Variants in AFDN observed in about 807,000 individuals in gnomAD.
AFDN encodes the protein afadin, adherens junction formation factor.
Under a neutral mutation model 216.6 loss-of-function variants are expected in AFDN, and 68 were observed. The ratio of observed to expected loss-of-function variants is 0.31; its 90% CI spans 0.26 to 0.38. AFDN has a LOEUF of 0.38. AFDN is among the 10% of genes least tolerant of loss of function. The probability of loss-of-function intolerance (pLI) is 1.00; values close to 1 mark genes in which losing one functional copy is unlikely to be tolerated. For synonymous variants in AFDN, 868 were observed against 853.7 expected (o/e 1.02, Z -0.29); for missense variants, 2,136 against 2,342.0 (o/e 0.91, Z 1.82).
At chr6:167,940,003 C>G (rs1411271568) in intron 23 of AFDN, among the ~76,000 whole-genome samples, 1 of 152,184 alleles carries the variant, frequency 6.6e-6, no homozygotes, top group Non-Finnish European at 1.5e-5. Context: ...TCAGTCTTTG[C>G]CAACTATCCC....
intron 19 of AFDN, among the ~76,000 whole-genome samples, chr6:167,915,969 C>G (rs1583396526): frequency 1.3e-5 from 2 of 152,260 alleles, no homozygotes; most frequent in Non-Finnish European, 2.9e-5. Context: ...ACTTCTGGTC[C>G]CAAGCATTTC....
chr6:167,908,061 C>A (rs145717782), intron 13 of AFDN, among the ~76,000 whole-genome samples: 84 of 152,372 alleles, frequency 5.5e-4, no homozygotes, highest in African/African-American at 2.0e-3. Flanking sequence ...GACTGCATGA[C>A]TTCTATGGCA....
rs2267956 is a variant in AFDN at position 167,842,960 on chromosome 6, A to G, written c.105+15723A>G. Among the ~76,000 whole-genome samples, 358 of 152,302 alleles carry G rather than the reference A, an allele frequency of 2.4e-3. 3 individuals carry two copies. The highest frequency in any genetic ancestry group is 0.02 in the East Asian group (103 of 5,184). On this transcript the variant is annotated intron_variant, in intron 1 of 33. Coordinates refer to ENST00000683244, the MANE Select transcript of AFDN (RefSeq NM_001386888.1). Reference sequence around the variant, plus strand: ...AGGTCTACAAAAAAAAACTAAAACTATGTTTGATTTTGGTGGCCAGTCTTG... The same window carrying G: ...AGGTCTACAAAAAAAAACTAAAACTGTGTTTGATTTTGGTGGCCAGTCTTG...
chr6:167,876,607 C>T (rs968955959), intron 5 of AFDN, among the ~76,000 whole-genome samples: 1 of 152,156 alleles, frequency 6.6e-6, no homozygotes, highest in African/African-American at 2.4e-5. Flanking sequence ...AAATGAATTT[C>T]TGAATGTATT....
At chr6:167,910,876 G>A (rs561177441) in intron 13 of AFDN, among the ~76,000 whole-genome samples, 30 of 152,186 alleles carry the variant, frequency 2.0e-4, no homozygotes, top group Admixed American at 1.8e-3. Flanking sequence ...TCATGGCGGC[G>A]GCATATACTT....
chr6:167,870,494 C>G lies in AFDN; in HGVS notation c.410C>G (p.Pro137Arg). 1 of 1,598,378 alleles carries G rather than the reference C, an allele frequency of 6.3e-7. No homozygotes were observed. The highest frequency in any genetic ancestry group is 8.6e-7 in the Non-Finnish European group (1 of 1,168,132). ...VLKNENDAIP[P>R]KKAQSNGPEK... is the part of the protein sequence containing the mutation. ...AAGAATGAGAATGACGCCATTCCTC[C>G]TAAGGTAGGAACCCTCAGTATTTTA... Residue 137 changes from proline (P) to arginine (R), a missense_variant, in exon 3 of 34, where the codon CCT becomes CGT. Coordinates refer to ENST00000683244, the MANE Select transcript of AFDN (RefSeq NM_001386888.1).
At chr6:167,864,422 A>C in intron 1 of AFDN, 129 bp from the exon 2 acceptor site, 1 of 888,056 alleles carries the variant, frequency 1.1e-6, no homozygotes, top group Non-Finnish European at 1.9e-6. Context: ...ATCTCTCTAC[A>C]TTAGTCTCAG....
At position 167,915,479 on chromosome 6, in the gene AFDN, G is replaced by C. The variant is rs527836673; in HGVS notation, c.2565+46G>C. ...CCAGCTCATGTGCTTTATGATAAAG[G>C]CATCTGATCTTTATGATGAGCAAGA... On this transcript the variant is annotated intron_variant, in intron 19 of 33. Coordinates refer to ENST00000683244, the MANE Select transcript of AFDN (RefSeq NM_001386888.1). 2.9e-5 allele frequency: 45 copies of C among 1,549,820 alleles called. No individual in the cohort carries two copies. In the South Asian group the frequency reaches 5.0e-4, roughly 17 times the overall value.
chr6:167,849,932 T>C (rs1782114596), intron 1 of AFDN, among the ~76,000 whole-genome samples: 1 of 152,228 alleles, frequency 6.6e-6, no homozygotes, highest in Admixed American at 6.5e-5. Context: ...CAGCTTGACC[T>C]CCTTTCAGAA....
chr6:167,946,248 A>G (rs1795241735), intron 26 of AFDN, among the ~76,000 whole-genome samples: 2 of 152,372 alleles, frequency 1.3e-5, no homozygotes, highest in Middle Eastern at 3.4e-3. Context: ...TGAATAGTAG[A>G]TGATAAACCA....
rs1360348390 is a variant in AFDN at position 167,827,375 on chromosome 6, C to A, written c.105+138C>A. ...CCCTCCGCCCCTTCTCTCCCCTCCCCCTCCCCCAGGCCCACCGCGGGCCCC... is the reference window on the plus strand; with the variant it reads ...CCCTCCGCCCCTTCTCTCCCCTCCCACTCCCCCAGGCCCACCGCGGGCCCC... On this transcript the variant is annotated intron_variant, in intron 1 of 33. Coordinates refer to ENST00000683244, the MANE Select transcript of AFDN (RefSeq NM_001386888.1). The A allele has an allele frequency of 2.0e-5, 3 of 151,702 alleles. No individual in the cohort carries two copies. The East Asian group carries it at 6.2e-4, about 31-fold the overall frequency. 9.4% of individuals were successfully genotyped at this position (151,702 alleles called of 1,614,324 possible).
chr6:167,848,086 C>T (rs1210052295), intron 1 of AFDN, among the ~76,000 whole-genome samples: 2 of 152,126 alleles, frequency 1.3e-5, no homozygotes, highest in African/African-American at 2.4e-5. Flanking sequence ...TGTTGATTTA[C>T]CCTATGTGAA....
rs1313019351 is a variant in AFDN at position 167,970,960 on chromosome 6, C to T, written c.*1025C>T. The T allele has an allele frequency of 4.7e-6, 1 of 212,656 alleles. No individual in the cohort carries two copies. The highest frequency in any genetic ancestry group is 2.3e-5 in the African/African-American group (1 of 44,126). The allele number at this position is 212,656 out of a possible 1,614,324, so 13.2% of individuals were successfully genotyped here. On this transcript the variant is annotated 3_prime_UTR_variant, in exon 34 of 34. Transcript: ENST00000683244. ...TGTAACTTAAATATTGTAAGAATAA[C>T]TCATATGGAAGTTCAAGCTATTTTT...
chr6:167,879,565 A>T (rs938607035), intron 5 of AFDN, among the ~76,000 whole-genome samples: 3 of 152,198 alleles, frequency 2.0e-5, no homozygotes, highest in African/African-American at 7.2e-5. Context: ...TCTGGACTTC[A>T]GATTTCAGGT....
rs748865270 is a variant in AFDN at position 167,946,932 on chromosome 6, A to G, written c.3553+31A>G. On this transcript the variant is annotated intron_variant, in intron 27 of 33. Transcript: ENST00000683244. ...AGTGACACTTTTTTGCTTCCTAAGT[A>G]CACTTGTGATCACAGTCTGAAGTGA... 13 of 1,579,446 alleles carry G rather than the reference A, an allele frequency of 8.2e-6. No individual in the cohort carries two copies. In the Admixed American group the frequency reaches 1.7e-4, roughly 20 times the overall value.
chr6:167,828,601 T>C (rs1200002578), intron 1 of AFDN, among the ~76,000 whole-genome samples: 1 of 152,244 alleles, frequency 6.6e-6, no homozygotes, highest in South Asian at 2.1e-4. Flanking sequence ...TACTATGTAC[T>C]TAAGTGTTCG....
At chr6:167,922,835 A>G (rs1792003779) in intron 21 of AFDN, 21 bp from the exon 22 acceptor site, 1 of 1,518,454 alleles carries the variant, frequency 6.6e-7, no homozygotes, top group South Asian at 1.2e-5. Context: ...TTCACTTACA[A>G]TTTGCTTGTT....
chr6:167,951,160 T>A lies in AFDN; in HGVS notation c.3832-26T>A. Reference sequence around the variant, plus strand: ...GGTAATTTCTAGTAAATGGCTGAAATATAATAATTCTTTTTCTTTTTGCAG... The same window carrying A: ...GGTAATTTCTAGTAAATGGCTGAAAAATAATAATTCTTTTTCTTTTTGCAG... On this transcript the variant is annotated intron_variant, in intron 29 of 33. Coordinates refer to ENST00000683244, the MANE Select transcript of AFDN (RefSeq NM_001386888.1). The surrounding 1 kb of genome is among the most constrained non-coding windows in gnomAD (Gnocchi z 7.1). 1 of 1,515,220 alleles carries A rather than the reference T, an allele frequency of 6.6e-7. No individual in the cohort carries two copies. The highest frequency in any genetic ancestry group is 2.3e-5 in the East Asian group (1 of 43,924). 93.9% of individuals were successfully genotyped at this position (1,515,220 alleles called of 1,614,324 possible). A position where few individuals can be genotyped will look rare whatever the true frequency, so the allele number is the denominator to read the frequency against.
At chr6:167,874,449 T>A (rs1785118814) in intron 4 of AFDN, among the ~76,000 whole-genome samples, 1 of 152,170 alleles carries the variant, frequency 6.6e-6, no homozygotes, top group Non-Finnish European at 1.5e-5. Flanking sequence ...AGTATTGTTT[T>A]CAGCTCATCA....
Sources: allele counts gnomAD v4.1 joint callset (sites outside exome capture counted in the v4.1 genomes callset), GRCh38; gene constraint gnomAD v4.1.1; non-coding constraint Gnocchi (gnomAD v3.1); transcripts MANE v1.5; gene names NCBI Gene and HGNC (gene_info 2026-07-23, HGNC 2026-07-21).